The following NTNG1 variants were observed in gnomAD, a reference collection of about 807,000 sequenced individuals.
NTNG1 encodes the protein netrin G1.
Under a neutral mutation model 54.0 loss-of-function variants are expected in NTNG1, and 16 were observed. The ratio of observed to expected loss-of-function variants is 0.30; its 90% CI spans 0.20 to 0.45. The LOEUF (loss-of-function observed/expected upper bound fraction) is 0.45. Ranked by LOEUF, NTNG1 falls within the 20% of genes least tolerant of loss-of-function variation. The pLI is 1.00. For missense variants in NTNG1, 530 were observed against 678.7 expected (o/e 0.78, Z 2.43); for synonymous variants, 255 against 263.1 (o/e 0.97, Z 0.30).
chr1:107,471,586 T>C (rs1003908493), intron 7 of NTNG1, among the ~76,000 whole-genome samples: 1 of 152,162 alleles, frequency 6.6e-6, no homozygotes, highest in Non-Finnish European at 1.5e-5. Context: ...AGAGTGCACA[T>C]TGAATGAGAA....
rs144970039 is a variant in NTNG1 at position 107,194,475 on chromosome 1, T to C, written c.246+45636T>C. Reference sequence around the variant, plus strand: ...CAGCCACAGAGGTGAATACTTTGATTTATTCTTCTTTCTTTCTCCCTTTCT... The same window carrying C: ...CAGCCACAGAGGTGAATACTTTGATCTATTCTTCTTTCTTTCTCCCTTTCT... On this transcript the variant is annotated intron_variant, in intron 2 of 7. Coordinates refer to ENST00000370068, the MANE Select transcript of NTNG1 (RefSeq NM_001113226.3). 4.1e-4 allele frequency among the ~76,000 whole-genome samples: 62 copies of C among 152,196 alleles called. No homozygotes were observed. The East Asian group carries it at 0.011, about 28-fold the overall frequency.
At chr1:107,255,079 A>T (rs1462532826) in intron 2 of NTNG1, among the ~76,000 whole-genome samples, 1 of 152,220 alleles carries the variant, frequency 6.6e-6, no homozygotes, top group East Asian at 1.9e-4. Flanking sequence ...ACTATAGATT[A>T]AAACTAAGGA....
At chr1:107,477,428 A>G (rs1319359048) in intron 7 of NTNG1, among the ~76,000 whole-genome samples, 1 of 152,226 alleles carries the variant, frequency 6.6e-6, no homozygotes, top group Non-Finnish European at 1.5e-5. Context: ...TGCTCCCTCT[A>G]GTGCCCCCTG....
intron 7 of NTNG1, among the ~76,000 whole-genome samples, chr1:107,446,799 G>A (rs1676332395): frequency 6.6e-6 from 1 of 152,108 alleles, no homozygotes; most frequent in South Asian, 2.1e-4. Context: ...TTGCTACAAG[G>A]AGGGGAGAAA....
intron 2 of NTNG1, among the ~76,000 whole-genome samples, chr1:107,269,110 T>C (rs965561318): frequency 6.6e-6 from 1 of 152,172 alleles, no homozygotes; most frequent in African/African-American, 2.4e-5. Flanking sequence ...TAAAAGTCAA[T>C]CTATTTTTAG....
Position 107,186,611 on chromosome 1 carries a change from C to G in NTNG1, c.246+37772C>G, listed in dbSNP as rs571264110. Reference sequence around the variant, plus strand: ...AAAAGTAAGGCATTAAAGTAAAGTACTAACTCTCCGGCCACCCAAGCCTTC... The same window carrying G: ...AAAAGTAAGGCATTAAAGTAAAGTAGTAACTCTCCGGCCACCCAAGCCTTC... On this transcript the variant is annotated intron_variant, in intron 2 of 7. Coordinates refer to ENST00000370068, the MANE Select transcript of NTNG1 (RefSeq NM_001113226.3). Among the ~76,000 whole-genome samples the G allele has an allele frequency of 5.3e-5, 8 of 152,230 alleles. No homozygotes were observed. In the East Asian group the frequency reaches 1.4e-3, roughly 26 times the overall value.
chr1:107,429,058 T>G (rs948360764), intron 5 of NTNG1, among the ~76,000 whole-genome samples: 4 of 152,042 alleles, frequency 2.6e-5, no homozygotes, highest in African/African-American at 9.7e-5. Flanking sequence ...GTCCTCACAC[T>G]CACCCTTCTC....
At chr1:107,208,836 C>T (rs1659400048) in intron 2 of NTNG1, among the ~76,000 whole-genome samples, 1 of 152,126 alleles carries the variant, frequency 6.6e-6, no homozygotes, top group African/African-American at 2.4e-5. Context: ...CTACCTTCAA[C>T]CACGCTCACA....
intron 2 of NTNG1, among the ~76,000 whole-genome samples, chr1:107,251,496 T>G (rs1356579563): frequency 6.6e-6 from 1 of 152,194 alleles, no homozygotes. Flanking sequence ...ACTCCTTCAC[T>G]TTTGCATCTA....
At chr1:107,421,157 G>A in intron 5 of NTNG1, 1 of 1,558,490 alleles carries the variant, frequency 6.4e-7, no homozygotes, top group Non-Finnish European at 8.8e-7. Flanking sequence ...GGAATTCTTG[G>A]ATTCATACAG....
chr1:107,405,587 T>C (rs928351335), intron 4 of NTNG1, among the ~76,000 whole-genome samples: 1 of 152,166 alleles, frequency 6.6e-6, no homozygotes, highest in African/African-American at 2.4e-5. Context: ...CAGCAAATAC[T>C]GCATCAAACA....
At chr1:107,309,407 G>A (rs1348316275) in intron 2 of NTNG1, among the ~76,000 whole-genome samples, 1 of 152,120 alleles carries the variant, frequency 6.6e-6, no homozygotes, top group Non-Finnish European at 1.5e-5. Context: ...CATTTAATTA[G>A]AAGACATACA....
At chr1:107,179,625 G>A (rs939346567) in intron 2 of NTNG1, among the ~76,000 whole-genome samples, 1 of 152,094 alleles carries the variant, frequency 6.6e-6, no homozygotes, top group African/African-American at 2.4e-5. Flanking sequence ...AAGGGTACAA[G>A]TGCAGGTTTG....
chr1:107,479,142 C>T (rs748428189), intron 7 of NTNG1, among the ~76,000 whole-genome samples: 1 of 152,110 alleles, frequency 6.6e-6, no homozygotes, highest in African/African-American at 2.4e-5. Context: ...ACTACGCAAC[C>T]GTGTTAGAGG....
intron 2 of NTNG1, among the ~76,000 whole-genome samples, chr1:107,232,252 A>G (rs2101536224): frequency 6.6e-6 from 1 of 152,350 alleles, no homozygotes; most frequent in East Asian, 1.9e-4. Flanking sequence ...AAGGACACTT[A>G]ATGCACAGTG....
intron 3 of NTNG1, among the ~76,000 whole-genome samples, chr1:107,361,703 T>G (rs1670313607): frequency 6.6e-6 from 1 of 152,006 alleles, no homozygotes. Context: ...AAAGCAAATA[T>G]TTTAATCACT....
chr1:107,388,213 A>G (rs140325274), intron 3 of NTNG1, among the ~76,000 whole-genome samples: 29 of 152,336 alleles, frequency 1.9e-4, no homozygotes, highest in African/African-American at 6.7e-4. Context: ...AGAGATAGTA[A>G]CTATAGAAAT....
At chr1:107,359,195 T>A (rs1187479091) in intron 3 of NTNG1, among the ~76,000 whole-genome samples, 1 of 152,208 alleles carries the variant, frequency 6.6e-6, no homozygotes, top group Admixed American at 6.5e-5. Context: ...AGTGTTTGTC[T>A]TTAGCAGCTC....
chr1:107,393,469 T>C (rs1403238829), intron 3 of NTNG1, among the ~76,000 whole-genome samples: 1 of 152,180 alleles, frequency 6.6e-6, no homozygotes, highest in Admixed American at 6.5e-5. Flanking sequence ...TTAACTGAAT[T>C]ATTTTTTATC....
Sources: gnomAD v4.1 joint callset for allele counts (sites outside exome capture counted in the v4.1 genomes callset) on GRCh38, gnomAD v4.1.1 for gene constraint, MANE v1.5 for transcripts, NCBI Gene and HGNC (gene_info 2026-07-23, HGNC 2026-07-21) for gene names.